The following SEMA6D variants were observed in gnomAD, a reference collection of about 807,000 sequenced individuals.
SEMA6D encodes the protein semaphorin 6D.
SEMA6D carries 35 observed loss-of-function variants against 106.6 expected under a neutral mutation model. The ratio of observed to expected loss-of-function variants is 0.33; its 90% CI spans 0.25 to 0.44. The LOEUF (loss-of-function observed/expected upper bound fraction) is 0.44, where lower values mean the gene tolerates loss of function less well. Ranked by LOEUF, SEMA6D falls within the 20% of genes least tolerant of loss-of-function variation. SEMA6D has a pLI of 1.00. For missense variants in SEMA6D, 1,185 were observed against 1,345.9 expected (o/e 0.88, Z 1.87); for synonymous variants, 499 against 487.7 (o/e 1.02, Z -0.31).
chr15:47,633,339 T>C (rs2077325266), intron 4 of SEMA6D, among the ~76,000 whole-genome samples: 1 of 152,188 alleles, frequency 6.6e-6, no homozygotes, highest in African/African-American at 2.4e-5. Context: ...ATTATCTTAG[T>C]TTTCCTTTGT....
At chr15:47,537,903 CAA>C (rs1228145913) in intron 3 of SEMA6D, among the ~76,000 whole-genome samples, 1 of 152,072 alleles carries the variant, frequency 6.6e-6, no homozygotes, top group Non-Finnish European at 1.5e-5. Context: ...GGAGAGTTGA[CAA>C]GAGATTATCC....
intron 3 of SEMA6D, among the ~76,000 whole-genome samples, chr15:47,571,461 G>C (rs954104615): frequency 2.6e-5 from 4 of 152,190 alleles, no homozygotes; most frequent in African/African-American, 9.6e-5. Flanking sequence ...AAGTCAAAGG[G>C]TAAGTCTTTG....
At chr15:47,396,355 T>A (rs2040214697) in intron 1 of SEMA6D, 2 of 152,248 alleles carry the variant, frequency 1.3e-5, no homozygotes, top group Non-Finnish European at 2.9e-5. Context: ...ACTCACATGA[T>A]CACAAGGTGA....
chr15:47,668,466 C>G (rs999673797), intron 4 of SEMA6D, among the ~76,000 whole-genome samples: 2 of 152,120 alleles, frequency 1.3e-5, no homozygotes, highest in African/African-American at 4.8e-5. Context: ...TATTCTGCTC[C>G]TAGCTGCTTA....
intron 4 of SEMA6D, among the ~76,000 whole-genome samples, chr15:47,657,715 A>ATTCCTTTTTTTT (rs2077824995): frequency 2.2e-5 from 1 of 44,786 alleles, no homozygotes; most frequent in African/African-American, 1.1e-4. Flanking sequence ...AGAGGGCTTC[A>ATTCCTTTTTTTT]TTTCTTTTTT....
Position 47,771,193 on chromosome 15 carries a change from A to T in SEMA6D, c.2630A>T (p.Asn877Ile). The T allele has an allele frequency of 1.9e-6, 3 of 1,614,074 alleles. No homozygotes were observed. In the East Asian group the frequency reaches 6.7e-5, roughly 36 times the overall value. ...RDHRRSVDSR[N>I]TLNDLLKHLN... Reference sequence around the variant, plus strand: ...CACCGGCGTTCTGTTGATTCCAGAAATACCCTCAATGATCTCCTGAAGCAT... The same window carrying T: ...CACCGGCGTTCTGTTGATTCCAGAATTACCCTCAATGATCTCCTGAAGCAT... The change falls in exon 19 of 19, where the codon AAT (asparagine) becomes ATT (isoleucine). Residue 877 changes from asparagine to isoleucine, a missense_variant. Coordinates refer to ENST00000536845, the MANE Select transcript of SEMA6D (RefSeq NM_001358351.3).
intron 3 of SEMA6D, among the ~76,000 whole-genome samples, chr15:47,503,948 G>A (rs905688746): frequency 2.6e-5 from 4 of 152,116 alleles, no homozygotes; most frequent in African/African-American, 9.7e-5. Context: ...CTAAGAACAG[G>A]CCATTTTTCT....
intron 3 of SEMA6D, among the ~76,000 whole-genome samples, chr15:47,502,772 C>T (rs2043897540): frequency 6.6e-6 from 1 of 152,162 alleles, no homozygotes; most frequent in Non-Finnish European, 1.5e-5. Flanking sequence ...ACTCTTCCTG[C>T]CTTCAAACAT....
At chr15:47,431,620 G>T (rs930351134) in intron 2 of SEMA6D, among the ~76,000 whole-genome samples, 1 of 152,108 alleles carries the variant, frequency 6.6e-6, no homozygotes, top group African/African-American at 2.4e-5. Flanking sequence ...TGGACAGCAG[G>T]AACACTGTTT....
intron 2 of SEMA6D, among the ~76,000 whole-genome samples, chr15:47,443,790 T>G (rs1198409020): frequency 6.6e-6 from 1 of 152,136 alleles, no homozygotes; most frequent in Non-Finnish European, 1.5e-5. Flanking sequence ...AGAAGCCCCT[T>G]GGCTTTTTTG....
chr15:47,271,828 A>G (rs1237514386), intron 1 of SEMA6D, among the ~76,000 whole-genome samples: 2 of 152,208 alleles, frequency 1.3e-5, no homozygotes, highest in African/African-American at 2.4e-5. Context: ...AGTGGAGGAA[A>G]ATATTTTCAT....
chr15:47,710,364 G>A (rs531815068), intron 4 of SEMA6D, among the ~76,000 whole-genome samples: 23 of 152,286 alleles, frequency 1.5e-4, no homozygotes, highest in African/African-American at 5.3e-4. Flanking sequence ...ATATTTAATA[G>A]TATGCCTTGA....
intron 3 of SEMA6D, among the ~76,000 whole-genome samples, chr15:47,533,055 T>G (rs1217499661): frequency 6.6e-6 from 1 of 152,172 alleles, no homozygotes; most frequent in East Asian, 1.9e-4. Flanking sequence ...AAAAAAGTCC[T>G]CAGATGTTAT....
intron 1 of SEMA6D, among the ~76,000 whole-genome samples, chr15:47,211,588 C>T (rs747490650): frequency 2.0e-5 from 3 of 152,086 alleles, no homozygotes; most frequent in Non-Finnish European, 2.9e-5. Flanking sequence ...TAATTAGACA[C>T]TATCTGAAAG....
At chr15:47,687,516 G>C (rs2078495194) in intron 4 of SEMA6D, among the ~76,000 whole-genome samples, 1 of 152,020 alleles carries the variant, frequency 6.6e-6, no homozygotes. Flanking sequence ...TCAAGGAGGT[G>C]GAAAACGTAG....
chr15:47,379,274 G>A (rs2039555704), intron 1 of SEMA6D, among the ~76,000 whole-genome samples: 1 of 152,156 alleles, frequency 6.6e-6, no homozygotes, highest in Admixed American at 6.5e-5. Flanking sequence ...GGATTTGAAA[G>A]GAAGGAAGAT....
chr15:47,703,398 C>CATTT (rs1351433916), intron 4 of SEMA6D, among the ~76,000 whole-genome samples: 3 of 152,074 alleles, frequency 2.0e-5, no homozygotes, highest in African/African-American at 7.2e-5. Context: ...TAAAGGTGCA[C>CATTT]ATTTGCATAG....
chr15:47,713,489 G>A (rs1333194392), upstream of SEMA6D, among the ~76,000 whole-genome samples: 1 of 152,134 alleles, frequency 6.6e-6, no homozygotes, highest in African/African-American at 2.4e-5. Flanking sequence ...CGAGATTTGG[G>A]TCTATATTAT....
chr15:47,724,059 G>A (rs897381015), intron 1 of SEMA6D, among the ~76,000 whole-genome samples: 15 of 152,210 alleles, frequency 9.9e-5, no homozygotes, highest in East Asian at 1.9e-4. Context: ...ACTGGCCTAC[G>A]CCTCACTTGT....
Sources: gnomAD v4.1 joint callset for allele counts (sites outside exome capture counted in the v4.1 genomes callset) on GRCh38, gnomAD v4.1.1 for gene constraint, MANE v1.5 for transcripts, NCBI Gene and HGNC (gene_info 2026-07-23, HGNC 2026-07-21) for gene names.